KIRREL1: variants seen among roughly 807,000 people sequenced by gnomAD.
KIRREL1 encodes kirre like nephrin family adhesion molecule 1, also known as kin of IRRE-like protein 1.
In KIRREL1, 25 loss-of-function variants were observed where a neutral mutation model predicts 83.3. That is an observed-to-expected ratio of 0.30 (90% CI 0.22 to 0.42). KIRREL1 has a LOEUF of 0.42. Among genes scored for constraint, KIRREL1 ranks in the 10% least tolerant of loss-of-function variants. The pLI is 1.00. For synonymous variants in KIRREL1, 388 were observed against 410.4 expected (o/e 0.95, Z 0.66); for missense variants, 812 against 1,032.3 (o/e 0.79, Z 2.92).
intron 3 of KIRREL1, among the ~76,000 whole-genome samples, chr1:158,083,566 G>A (rs1315760038): frequency 6.6e-6 from 1 of 152,230 alleles, no homozygotes; most frequent in African/African-American, 2.4e-5. Flanking sequence ...GAAGGTGCTT[G>A]AGCAGGGGAG....
Position 158,089,768 on chromosome 1 carries a change from G to C in KIRREL1, c.1222G>C (p.Gly408Arg). ...AGTGCAGTATGCTGTGAGGGGTGACGGTGGCAAGGTGGAGTGTTTCATTGG... is the reference window on the plus strand; with the variant it reads ...AGTGCAGTATGCTGTGAGGGGTGACCGTGGCAAGGTGGAGTGTTTCATTGG... ...EAVQYAVRGD[G>R]GKVECFIGST... Residue 408 changes from glycine (G) to arginine (R), a missense_variant, in exon 10 of 15, where the codon GGT (glycine) becomes CGT (arginine). Transcript: ENST00000359209. 1 of 1,614,120 alleles carries C rather than the reference G, an allele frequency of 6.2e-7. No homozygotes were observed. Among genetic ancestry groups the C allele is most frequent in the Non-Finnish European group, 8.5e-7 (1 of 1,180,022 alleles).
intron 1 of KIRREL1, among the ~76,000 whole-genome samples, chr1:158,011,187 C>A (rs1054256513): frequency 2.6e-5 from 4 of 152,192 alleles, no homozygotes; most frequent in African/African-American, 4.8e-5. Context: ...CCTGACTAAC[C>A]CTCTCTTTTT....
At chr1:158,086,304 A>C (rs1235782484) in intron 4 of KIRREL1, among the ~76,000 whole-genome samples, 1 of 152,288 alleles carries the variant, frequency 6.6e-6, no homozygotes, top group Non-Finnish European at 1.5e-5. Flanking sequence ...GCTGCTACTC[A>C]GAAGGCTCAG....
At chr1:158,078,331 G>A (rs12407124) in intron 3 of KIRREL1, among the ~76,000 whole-genome samples, 191 bp downstream of exon 3, 69,104 of 152,070 alleles carry the variant, frequency 0.45, 16,310 homozygotes, top group East Asian at 0.7. Context: ...GGGTGCTGGC[G>A]GGACGTGAGC....
intron 7 of KIRREL1, 41 bp from the exon 8 acceptor site, chr1:158,088,286 G>A (rs1662079072): frequency 2.5e-6 from 4 of 1,600,300 alleles, no homozygotes; most frequent in Non-Finnish European, 3.4e-6. Context: ...TTAACCCCAT[G>A]AGCTTGAGAC....
rs1276035925 is a variant in KIRREL1 at position 158,093,724 on chromosome 1, G to A, written c.1681G>A (p.Val561Ile). The change falls in exon 13 of 15, where the codon GTC becomes ATC. Residue 561 changes from valine (V) to isoleucine (I), a missense_variant. Transcript: ENST00000359209. ...TGACCGGGAGGATGACACCGCCAGCGTCTCCACAGCAACCCGGGTCATGAA... is the reference window on the plus strand; with the variant it reads ...TGACCGGGAGGATGACACCGCCAGCATCTCCACAGCAACCCGGGTCATGAA... ...HSDREDDTAS[V>I]STATRVMKAI... is the part of the protein sequence containing the mutation. The A allele has an allele frequency of 1.5e-5, 24 of 1,614,186 alleles. No individual in the cohort carries two copies. Among genetic ancestry groups the A allele is most frequent in the Middle Eastern group, 1.6e-4 (1 of 6,062 alleles).
At chr1:158,064,134 G>C (rs936429255) in intron 1 of KIRREL1, among the ~76,000 whole-genome samples, 1 of 152,182 alleles carries the variant, frequency 6.6e-6, no homozygotes, top group African/African-American at 2.4e-5. Context: ...GATGATGCAC[G>C]ACTAAGATTA....
chr1:158,031,654 C>T (rs1485596439), intron 1 of KIRREL1, among the ~76,000 whole-genome samples: 2 of 152,200 alleles, frequency 1.3e-5, no homozygotes, highest in Non-Finnish European at 2.9e-5. Context: ...TGTGCCCTGG[C>T]AGCAAATTCC....
chr1:158,020,066 G>A (rs904037382), intron 1 of KIRREL1, among the ~76,000 whole-genome samples: 3 of 152,224 alleles, frequency 2.0e-5, no homozygotes, highest in East Asian at 3.9e-4. Flanking sequence ...TGAAATAAAT[G>A]ATGGCTGTGC....
chr1:158,064,642 A>G (rs906489022), intron 1 of KIRREL1, among the ~76,000 whole-genome samples: 1 of 152,206 alleles, frequency 6.6e-6, no homozygotes, highest in Non-Finnish European at 1.5e-5. Flanking sequence ...GTGAATAACA[A>G]TATCTATTCC....
At chr1:158,010,326 A>AACACACACACACAC (rs56353855) in intron 1 of KIRREL1, among the ~76,000 whole-genome samples, 6 of 72,208 alleles carry the variant, frequency 8.3e-5, no homozygotes, top group Non-Finnish European at 1.8e-4. Context: ...CCCCACCATA[A>AACACACACACACAC]ACACACACAC....
intron 1 of KIRREL1, among the ~76,000 whole-genome samples, chr1:158,029,211 A>AT (rs11425113): frequency 0.91 from 138,765 of 152,124 alleles, 63,927 homozygotes; most frequent in East Asian, 0.99. Context: ...GGGTAAGCGC[A>AT]TTCAGGCATA....
chr1:158,040,525 A>G (rs1453312127), intron 1 of KIRREL1, among the ~76,000 whole-genome samples: 1 of 152,276 alleles, frequency 6.6e-6, no homozygotes, highest in Non-Finnish European at 1.5e-5. Flanking sequence ...ATGCATAGTC[A>G]GCACTCTATA....
chr1:158,048,063 A>T (rs2101588132), intron 1 of KIRREL1, among the ~76,000 whole-genome samples: 1 of 152,262 alleles, frequency 6.6e-6, no homozygotes, highest in Non-Finnish European at 1.5e-5. Context: ...TCTTACTTTA[A>T]GAAGATCTCT....
intron 1 of KIRREL1, among the ~76,000 whole-genome samples, chr1:157,997,799 T>A (rs1392509120): frequency 6.6e-6 from 1 of 152,248 alleles, no homozygotes; most frequent in African/African-American, 2.4e-5. Flanking sequence ...CTACTTCATA[T>A]GCATTATCTA....
At chr1:158,000,158 G>A (rs1476473066) in intron 1 of KIRREL1, among the ~76,000 whole-genome samples, 1 of 152,172 alleles carries the variant, frequency 6.6e-6, no homozygotes, top group Non-Finnish European at 1.5e-5. Context: ...CAATCTCACT[G>A]CATGCATATG....
chr1:158,065,749 A>C (rs1054011932), intron 1 of KIRREL1, among the ~76,000 whole-genome samples: 7 of 151,984 alleles, frequency 4.6e-5, no homozygotes, highest in African/African-American at 1.7e-4. Context: ...CCTTTTCTTC[A>C]ACCTAGAAGC....
chr1:158,062,864 CTCTT>C (rs1264692509), intron 1 of KIRREL1, among the ~76,000 whole-genome samples: 5 of 152,234 alleles, frequency 3.3e-5, no homozygotes, highest in African/African-American at 1.2e-4. Flanking sequence ...GAATCTGGAC[CTCTT>C]TCTTTGTCTA....
At chr1:158,086,861 A>G (rs7364493) in intron 5 of KIRREL1, 115 bp downstream of exon 5, 564,888 of 930,236 alleles carry the variant, frequency 0.61, 177,077 homozygotes, top group East Asian at 0.72. Flanking sequence ...GGTCCCCAGG[A>G]CAAACGCTTG....
Sources: allele counts gnomAD v4.1 joint callset (sites outside exome capture counted in the v4.1 genomes callset), GRCh38; gene constraint gnomAD v4.1.1; transcripts MANE v1.5; gene names NCBI Gene and HGNC (gene_info 2026-07-23, HGNC 2026-07-21).